TET1: variants seen among roughly 807,000 people sequenced by gnomAD.
TET1 encodes tet methylcytosine dioxygenase 1, also known as methylcytosine dioxygenase TET1.
TET1 carries 13 observed loss-of-function variants against 148.7 expected under a neutral mutation model. The observed-to-expected ratio is 0.09, with a 90% CI of 0.06 to 0.14. The LOEUF is 0.14. Ranked by LOEUF, TET1 falls within the 10% of genes least tolerant of loss-of-function variation. The pLI is 1.00. For missense variants in TET1, 2,182 were observed against 2,553.8 expected, an observed-to-expected ratio of 0.85 and a Z score of 3.14; for synonymous variants, 907 against 937.2, an observed-to-expected ratio of 0.97 and a Z score of 0.59.
chr10:68,659,262 G>A (rs1031125340), intron 6 of TET1, among the ~76,000 whole-genome samples: 16 of 151,858 alleles, frequency 1.1e-4, no homozygotes, highest in African/African-American at 3.9e-4. Context: ...GGCATCATAT[G>A]ATGAGTTCCC....
intron 3 of TET1, among the ~76,000 whole-genome samples, chr10:68,624,645 T>TC (rs2054435633): frequency 1.9e-5 from 1 of 52,434 alleles, no homozygotes; most frequent in South Asian, 6.8e-4. Context: ...TCTTTCTTTC[T>TC]TTCTTTCTTT....
At chr10:68,663,175 CTCAT>C (rs1229031934) in intron 6 of TET1, among the ~76,000 whole-genome samples, 4 of 152,146 alleles carry the variant, frequency 2.6e-5, no homozygotes, top group Non-Finnish European at 4.4e-5. Context: ...TGACATGATG[CTCAT>C]TTACCCTTCC....
At chr10:68,669,517 G>A (rs1380521295) in intron 7 of TET1, among the ~76,000 whole-genome samples, 1 of 134,384 alleles carries the variant, frequency 7.4e-6, no homozygotes, top group African/African-American at 2.7e-5. Flanking sequence ...TTTTTGGGGG[G>A]GTTTTTTTTT....
intron 6 of TET1, among the ~76,000 whole-genome samples, chr10:68,655,848 G>A (rs1431837557): frequency 6.6e-6 from 1 of 152,146 alleles, no homozygotes; most frequent in East Asian, 1.9e-4. Context: ...ATAGGAACCT[G>A]ACTTCATGGC....
intron 4 of TET1, among the ~76,000 whole-genome samples, chr10:68,650,529 G>A (rs1168314064): frequency 1.3e-5 from 2 of 150,952 alleles, no homozygotes; most frequent in Non-Finnish European, 3.0e-5. Flanking sequence ...TACTTGGGAG[G>A]CTGAGACAGG....
chr10:68,646,917 T>C lies in TET1; in HGVS notation c.4188T>C (p.Asn1396=), dbSNP rs1225133654. Residue 1396 remains asparagine, a synonymous_variant, in exon 4 of 12, where the codon AAT becomes AAC. Transcript: ENST00000373644. ...STVDSAQKNF[N]DYAMNFFTNP... ...TGGACAGTGCACAGAAAAATTTTAA[T>C]GATTATGCCATGAACTTCTTTACTA... 1.5e-5 allele frequency: 25 copies of C among 1,614,076 alleles called. No homozygotes were observed. The highest frequency in any genetic ancestry group is 2.0e-5 in the Non-Finnish European group (24 of 1,180,038).
Position 68,596,775 on chromosome 10 carries a change from A to G in TET1, c.1915-4206A>G, listed in dbSNP as rs899405029. ...GTTCTGATCACATTCATTAACTTTC[A>G]TATATAGCTAGGATGAGCCTTGGCT... is the stretch of plus-strand genomic sequence containing the variant. On this transcript the variant is annotated intron_variant, in intron 2 of 11. Coordinates refer to ENST00000373644, the MANE Select transcript of TET1 (RefSeq NM_030625.3). Among the ~76,000 whole-genome samples the G allele has an allele frequency of 3.9e-5, 6 of 152,188 alleles. 1 individual carries two copies. The highest frequency in any genetic ancestry group is 8.8e-5 in the Non-Finnish European group (6 of 68,036).
At chr10:68,569,570 AAG>A (rs1427256891) in intron 1 of TET1, among the ~76,000 whole-genome samples, 1 of 152,132 alleles carries the variant, frequency 6.6e-6, no homozygotes, top group East Asian at 1.9e-4. Context: ...ATGCTCAGGA[AAG>A]AGATAATTTT....
chr10:68,660,164 C>G (rs763737869), intron 6 of TET1, among the ~76,000 whole-genome samples: 5 of 152,074 alleles, frequency 3.3e-5, no homozygotes, highest in Non-Finnish European at 5.9e-5. Context: ...TGTGCACTGA[C>G]GAATCACCCT....
In TET1 at chr10:68,646,233, T is replaced by C. The variant is rs2054844744; in HGVS notation, c.3504T>C (p.Tyr1168=). The change falls in exon 4 of 12, where the codon TAT becomes TAC. Residue 1168 remains tyrosine (Y), a synonymous_variant. Transcript: ENST00000373644. ...RRKKKPTVVS[Y]QENDRQKWEK... ...AAAAGAAGCCCACAGTTGTAAGTTA[T>C]CAAGAAAATGATCGGCAGAAGTGGG... 2.5e-6 allele frequency: 4 copies of C among 1,614,132 alleles called. No individual in the cohort carries two copies. The highest frequency in any genetic ancestry group is 2.5e-6 in the Non-Finnish European group (3 of 1,180,020).
chr10:68,654,154 G>A (rs1202994913), intron 6 of TET1, among the ~76,000 whole-genome samples: 2 of 151,180 alleles, frequency 1.3e-5, no homozygotes, highest in East Asian at 1.9e-4. Context: ...TGCCTTTCGG[G>A]GGAGGGAACA....
chr10:68,565,351 C>T (rs891599507), intron 1 of TET1, among the ~76,000 whole-genome samples: 3 of 151,056 alleles, frequency 2.0e-5, no homozygotes, highest in African/African-American at 4.9e-5. Flanking sequence ...TGTGGTGGCA[C>T]GTGCCTGTAG....
At position 68,672,882 on chromosome 10, in the gene TET1, T is replaced by TA; in HGVS notation, c.4674-12dup. 6.3e-7 allele frequency: 1 copy of TA among 1,596,698 alleles called. No homozygotes were observed. The highest frequency in any genetic ancestry group is 1.1e-5 in the South Asian group (1 of 88,024). ...GCTTCATCAATTCACTCTCTTGAAT[T>TA]ACAATCTTACAGTCGTACCTGTACA... On this transcript the variant is annotated splice_polypyrimidine_tract_variant and intron_variant, in intron 7 of 11. Coordinates refer to ENST00000373644, the MANE Select transcript of TET1 (RefSeq NM_030625.3).
chr10:68,596,019 C>CATATATATATAT (rs1564959051), intron 2 of TET1, among the ~76,000 whole-genome samples: 28 of 108,244 alleles, frequency 2.6e-4, no homozygotes, highest in African/African-American at 1.1e-3. Context: ...CACACACACA[C>CATATATATATAT]ACACACACAT....
chr10:68,581,382 A>G (rs1466612361), intron 2 of TET1, among the ~76,000 whole-genome samples: 3 of 152,202 alleles, frequency 2.0e-5, no homozygotes, highest in Admixed American at 2.0e-4. Flanking sequence ...TACTATAAAT[A>G]GGGTAGTGCA....
At chr10:68,580,782 C>CAAA (rs71483915) in intron 2 of TET1, among the ~76,000 whole-genome samples, 4 of 95,292 alleles carry the variant, frequency 4.2e-5, no homozygotes, top group African/African-American at 8.6e-5. Flanking sequence ...AACTCCATCT[C>CAAA]AAAAAAAAAA....
At position 68,572,255 on chromosome 10, in the gene TET1, C is replaced by A; in HGVS notation, c.-84C>A. 1 of 1,207,128 alleles carries A rather than the reference C, an allele frequency of 8.3e-7. No homozygotes were observed. The highest frequency in any genetic ancestry group is 1.6e-5 in the South Asian group (1 of 61,596). 74.8% of individuals were successfully genotyped at this position (1,207,128 alleles called of 1,614,324 possible). On this transcript the variant is annotated 5_prime_UTR_variant, in exon 2 of 12. Coordinates refer to ENST00000373644, the MANE Select transcript of TET1 (RefSeq NM_030625.3). ...GTGACTGAGCTGAAGAGCAGTGCAT[C>A]CAGATTCTCCTCAGAAGTGAGACTT...
chr10:68,682,446 A>C (rs2055449799), intron 9 of TET1, among the ~76,000 whole-genome samples: 1 of 152,046 alleles, frequency 6.6e-6, no homozygotes, highest in Non-Finnish European at 1.5e-5. Flanking sequence ...TTACAAATTG[A>C]CTTTCAGTAA....
At chr10:68,678,029 G>A (rs1000583040) in intron 8 of TET1, among the ~76,000 whole-genome samples, 5 of 152,172 alleles carry the variant, frequency 3.3e-5, no homozygotes, top group African/African-American at 4.8e-5. Flanking sequence ...CCAAAGTCCT[G>A]GGATTACAGG....
Sources: gnomAD v4.1 joint callset for allele counts (sites outside exome capture counted in the v4.1 genomes callset) on GRCh38, gnomAD v4.1.1 for gene constraint, MANE v1.5 for transcripts, NCBI Gene and HGNC (gene_info 2026-07-23, HGNC 2026-07-21) for gene names.